Variants in LAMA5 observed in about 807,000 individuals in gnomAD.
LAMA5 encodes laminin subunit alpha 5.
A neutral mutation model predicts 433.4 loss-of-function variants in LAMA5; 260 were observed. The observed-to-expected ratio is 0.60, with a 90% confidence interval of 0.54 to 0.66. The LOEUF is 0.66. Among genes scored for constraint, LAMA5 ranks in the 30% least tolerant of loss-of-function variants. The pLI, the probability that LAMA5 is intolerant of heterozygous loss-of-function variation, is 0.00. For missense variants in LAMA5, 5,378 were observed against 5,258.5 expected, an observed-to-expected ratio of 1.02 and a Z score of -0.70; for synonymous variants, 2,620 against 2,226.6, an observed-to-expected ratio of 1.18 and a Z score of -4.97.
At chr20:62,316,234 CCT>C in intron 57 of LAMA5, 176 bp from the exon 58 acceptor site, 2 of 599,958 alleles carry the variant, frequency 3.3e-6, no homozygotes, top group East Asian at 5.5e-5. Context: ...CTCAGCGTAG[CCT>C]CTGTTCCCTG....
Position 62,323,267 on chromosome 20 carries a change from G to A in LAMA5, c.6064+189C>T, listed in dbSNP as rs569114216. On this transcript the variant is annotated intron_variant, in intron 45 of 79. Coordinates refer to ENST00000252999, the MANE Select transcript of LAMA5 (RefSeq NM_005560.6). The stretch of plus-strand genomic sequence containing the variant: ...ATCGCTGGGGCGGGAGGGCCTGATC[G>A]CTGGGGCGGGAGGACCGGATCATAG... 0.026 allele frequency among the ~76,000 whole-genome samples: 2,397 copies of A among 92,376 alleles called. 62 individuals carry two copies. Among genetic ancestry groups the A allele is most frequent in the African/African-American group, 0.097 (2,277 of 23,378 alleles). The allele number at this position is 92,376 out of a possible 152,430, so 60.6% of individuals were successfully genotyped here.
At chr20:62,345,990 G>A in intron 10 of LAMA5, 91 bp downstream of exon 10, 2 of 1,583,304 alleles carry the variant, frequency 1.3e-6, no homozygotes, top group African/African-American at 1.3e-5. Context: ...GGATAACATG[G>A]TCCATCCCGG....
chr20:62,337,348 C>T (rs1036718709), intron 16 of LAMA5, among the ~76,000 whole-genome samples: 18 of 152,224 alleles, frequency 1.2e-4, no homozygotes, highest in Admixed American at 9.8e-4. Flanking sequence ...ACACACAGAA[C>T]GCAACACATG....
rs756756348 is a variant in LAMA5, at chr20:62,327,987, C to T, written c.4676G>A (p.Arg1559His). Reference sequence around the variant, plus strand: ...GCCCGGAGAGCAGGTATCACAGCGGCGCCCAGTCACGTTGGGTCTGCACCT... The same window carrying T: ...GCCCGGAGAGCAGGTATCACAGCGGTGCCCAGTCACGTTGGGTCTGCACCT... ...QCKCRPNVTG[R>H]RCDTCSPGFH... Residue 1559 changes from arginine to histidine, a missense_variant, in exon 36 of 80, where the codon CGC becomes CAC. Arg to His is a conservative substitution (Grantham distance 29, BLOSUM62 0). Transcript: ENST00000252999. 102 of 1,611,966 alleles carry T rather than the reference C, an allele frequency of 6.3e-5. No homozygotes were observed. The highest frequency in any genetic ancestry group is 8.8e-5 in the South Asian group (8 of 91,060).
Position 62,326,772 on chromosome 20 carries a change from C to T in LAMA5, c.5215-12G>A. On this transcript the variant is annotated splice_polypyrimidine_tract_variant and intron_variant, in intron 39 of 79. Transcript: ENST00000252999. ...CTCATCTGGTTGCCCTGGGAAGGCA[C>T]ATGGGGAGGTGAGGGTTGGCACGGG... The T allele has an allele frequency of 2.5e-6, 4 of 1,612,596 alleles. No homozygotes were observed. The highest frequency in any genetic ancestry group is 3.4e-6 in the Non-Finnish European group (4 of 1,179,588).
intron 18 of LAMA5, among the ~76,000 whole-genome samples, chr20:62,335,964 C>A (rs1981542350): frequency 6.8e-6 from 1 of 146,738 alleles, no homozygotes; most frequent in Non-Finnish European, 1.5e-5. Flanking sequence ...GTGCCATCCC[C>A]TGAGGAACCC....
chr20:62,366,150 G>A (rs914594558), intron 1 of LAMA5, among the ~76,000 whole-genome samples: 3 of 152,162 alleles, frequency 2.0e-5, no homozygotes, highest in Admixed American at 1.3e-4. Flanking sequence ...GGGAGCCGTT[G>A]GAGCTGACTT....
intron 6 of LAMA5, among the ~76,000 whole-genome samples, chr20:62,349,999 C>A (rs1984053563): frequency 6.6e-6 from 1 of 151,468 alleles, no homozygotes; most frequent in Admixed American, 6.6e-5. Context: ...CATGGGCAGG[C>A]TAATGTTTTG....
At chr20:62,316,307 C>A (rs781120395) in intron 57 of LAMA5, 2 of 569,848 alleles carry the variant, frequency 3.5e-6, no homozygotes. Flanking sequence ...ACAATAGAGG[C>A]TCAGAAGAGA....
rs1987340872 is a variant in LAMA5 at position 62,318,855 on chromosome 20, C to G, written c.7030G>C (p.Ala2344Pro). The change falls in exon 52 of 80, where the codon GCA becomes CCA. Residue 2344 changes from alanine to proline, a missense_variant. By Grantham distance (27) the Ala-to-Pro change is conservative (BLOSUM62 -1). Coordinates refer to ENST00000252999, the MANE Select transcript of LAMA5 (RefSeq NM_005560.6). ...CAACACCACTCACATCTCTGTGCTG[C>G]AGCCAACTCAGCCTCAGCTGCTGCC... ...PQAAAEAELA[A>P]AQRLLARVQE... 1.2e-6 allele frequency: 2 copies of G among 1,610,002 alleles called. No individual in the cohort carries two copies. The highest frequency in any genetic ancestry group is 1.7e-6 in the Non-Finnish European group (2 of 1,179,304).
intron 1 of LAMA5, among the ~76,000 whole-genome samples, chr20:62,366,710 C>CG (rs1986768083): frequency 6.6e-6 from 1 of 152,228 alleles, no homozygotes; most frequent in Admixed American, 6.5e-5. Flanking sequence ...ACTGGACCGG[C>CG]GCCCAGCCGC....
intron 10 of LAMA5, 28 bp downstream of exon 10, chr20:62,346,053 T>C: frequency 6.2e-7 from 1 of 1,611,308 alleles, no homozygotes; most frequent in Non-Finnish European, 8.5e-7. Context: ...CAGTGGTGTC[T>C]GTTTGGATGC....
intron 2 of LAMA5, among the ~76,000 whole-genome samples, chr20:62,361,119 C>A (rs767349880): frequency 6.6e-5 from 10 of 152,126 alleles, no homozygotes; most frequent in Non-Finnish European, 1.5e-4. Context: ...TTCACACGTA[C>A]GCTACAGCCA....
At chr20:62,314,123 G>C (rs1014494968) in intron 62 of LAMA5, among the ~76,000 whole-genome samples, 181 bp downstream of exon 62, 1 of 137,724 alleles carries the variant, frequency 7.3e-6, no homozygotes, top group Non-Finnish European at 1.6e-5. Flanking sequence ...AGTGGGCACA[G>C]AGACGAGGGG....
Position 62,337,857 on chromosome 20 carries a change from C to G in LAMA5, c.1973G>C (p.Gly658Ala), listed in dbSNP as rs1390565244. ...GGGGCTGCATTCCTGGCAGGCAGTGCCTGTGTAGCCGGGGCGGCAGCGGCA... is the reference window on the plus strand; with the variant it reads ...GGGGCTGCATTCCTGGCAGGCAGTGGCTGTGTAGCCGGGGCGGCAGCGGCA... ...GLCRCRPGYT[G>A]TACQECSPGF... Residue 658 changes from glycine to alanine, a missense_variant, in exon 15 of 80, where the codon GGC (glycine) becomes GCC (alanine). Physicochemically the swap from Gly to Ala is moderately conservative, Grantham distance 60. Coordinates refer to ENST00000252999, the MANE Select transcript of LAMA5 (RefSeq NM_005560.6). 1 of 1,612,728 alleles carries G rather than the reference C, an allele frequency of 6.2e-7. No individual in the cohort carries two copies. The highest frequency in any genetic ancestry group is 1.1e-5 in the South Asian group (1 of 91,080).
At chr20:62,318,306 A>AGAGGAGCAGGGGGGAG in intron 53 of LAMA5, 148 bp downstream of exon 53, 1 of 164,168 alleles carries the variant, frequency 6.1e-6, no homozygotes. Flanking sequence ...GAGGGGGGGA[A>AGAGGAGCAGGGGGGAG]GAAGAGGAGG....
At position 62,324,696 on chromosome 20, in the gene LAMA5, G is replaced by C. The variant is rs1978950631; in HGVS notation, c.5530-142C>G. ...GGAGCATGGTCACCGCTGGGTCAGA[G>C]GCTGGTCAGGAACTCCTGGCCTCGG... On this transcript the variant is annotated intron_variant, in intron 41 of 79. Transcript: ENST00000252999. The surrounding 1 kb of genome is among the most constrained non-coding windows in gnomAD (Gnocchi z 4.4). 2 of 632,976 alleles carry C rather than the reference G, an allele frequency of 3.2e-6. No homozygotes were observed. The highest frequency in any genetic ancestry group is 3.7e-5 in the South Asian group (2 of 53,964). 39.2% of individuals were successfully genotyped at this position (632,976 alleles called of 1,614,324 possible).
intron 1 of LAMA5, among the ~76,000 whole-genome samples, chr20:62,364,570 C>A (rs888964627): frequency 6.6e-6 from 1 of 152,222 alleles, no homozygotes; most frequent in Non-Finnish European, 1.5e-5. Flanking sequence ...TGCGGAGGGT[C>A]CCGTGAGAAC....
chr20:62,365,499 G>A (rs1243116235), intron 1 of LAMA5, among the ~76,000 whole-genome samples: 1 of 152,222 alleles, frequency 6.6e-6, no homozygotes, highest in African/African-American at 2.4e-5. Flanking sequence ...AGCATGGGCA[G>A]GCTGTGGGGG....
Sources: allele counts gnomAD v4.1 joint callset (sites outside exome capture counted in the v4.1 genomes callset), GRCh38; gene constraint gnomAD v4.1.1; non-coding constraint Gnocchi (gnomAD v3.1); transcripts MANE v1.5; gene names NCBI Gene and HGNC (gene_info 2026-07-23, HGNC 2026-07-21).